GNPTAB: variants seen among roughly 807,000 people sequenced by gnomAD.
GNPTAB encodes N-acetylglucosamine-1-phosphate transferase subunits alpha and beta, also known as N-acetylglucosamine-1-phosphotransferase subunits alpha/beta.
A neutral mutation model predicts 136.6 loss-of-function variants in GNPTAB; 92 were observed. The ratio of observed to expected loss-of-function variants is 0.67; its 90% CI spans 0.57 to 0.80. The LOEUF (loss-of-function observed/expected upper bound fraction) is 0.80, where lower values mean the gene tolerates loss of function less well. GNPTAB is among the 30% of genes least tolerant of loss of function. GNPTAB has a pLI of 0.00. For missense variants in GNPTAB, 1,343 were observed against 1,501.8 expected, an observed-to-expected ratio of 0.89 and a Z score of 1.75; for synonymous variants, 512 against 535.1, an observed-to-expected ratio of 0.96 and a Z score of 0.60.
chr12:101,772,136 A>T (rs1953186217), intron 7 of GNPTAB, among the ~76,000 whole-genome samples: 1 of 152,184 alleles, frequency 6.6e-6, no homozygotes, highest in Non-Finnish European at 1.5e-5. Context: ...GAAAGTCCAC[A>T]CCACTCTTTA....
Position 101,757,665 on chromosome 12 carries a change from A to G in GNPTAB, c.3250-8T>C, listed in dbSNP as rs1952924076. 6 of 1,372,882 alleles carry G rather than the reference A, an allele frequency of 4.4e-6. No individual in the cohort carries two copies. Among genetic ancestry groups the G allele is most frequent in the Non-Finnish European group, 6.2e-6 (6 of 961,362 alleles). The allele number at this position is 1,372,882 out of a possible 1,614,324, so 85.0% of individuals were successfully genotyped here. A position where few individuals can be genotyped will look rare whatever the true frequency, so the allele number is the denominator to read the frequency against. Reference sequence around the variant, plus strand: ...ACTTTTAGTGACCGGTGGCTATGAGAAAATATAAGTAGATCAGATATCACA... The same window carrying G: ...ACTTTTAGTGACCGGTGGCTATGAGGAAATATAAGTAGATCAGATATCACA... On this transcript the variant is annotated splice_region_variant and splice_polypyrimidine_tract_variant and intron_variant, in intron 16 of 20. Coordinates refer to ENST00000299314, the MANE Select transcript of GNPTAB (RefSeq NM_024312.5).
In GNPTAB at chr12:101,746,744, G is replaced by GAA. The variant is rs768136710; in HGVS notation, c.*418_*419dup. 4.5e-5 allele frequency: 7 copies of GAA among 155,660 alleles called. No individual in the cohort carries two copies. The highest frequency in any genetic ancestry group is 1.8e-4 in the East Asian group (1 of 5,562). The allele number at this position is 155,660 out of a possible 1,614,324, so 9.6% of individuals were successfully genotyped here. ...TAGTAACTACTTAAAAATGGGAAAT[G>GAA]AAAAAAAAAAAGTGCAAAACTTTAG... On this transcript the variant is annotated 3_prime_UTR_variant, in exon 21 of 21. Transcript: ENST00000299314.
chr12:101,783,776 G>A (rs1374424827), intron 5 of GNPTAB, among the ~76,000 whole-genome samples: 2 of 151,420 alleles, frequency 1.3e-5, no homozygotes, highest in East Asian at 1.9e-4. Flanking sequence ...GATCAGTGGT[G>A]CAATCTCAGC....
intron 2 of GNPTAB, among the ~76,000 whole-genome samples, chr12:101,793,881 C>T (rs768638873): frequency 2.0e-5 from 3 of 152,106 alleles, no homozygotes; most frequent in Admixed American, 1.3e-4. Context: ...CTTGCTCTGT[C>T]GCCCAGGCTG....
At chr12:101,799,798 G>A (rs1869506732) in intron 1 of GNPTAB, among the ~76,000 whole-genome samples, 3 of 146,120 alleles carry the variant, frequency 2.1e-5, no homozygotes, top group Admixed American at 2.0e-4. Flanking sequence ...GTTCAACACT[G>A]AAGGCACTGA....
chr12:101,808,022 A>G (rs558768900), intron 1 of GNPTAB, among the ~76,000 whole-genome samples: 1 of 152,310 alleles, frequency 6.6e-6, no homozygotes, highest in East Asian at 1.9e-4. Flanking sequence ...CTAAAAAAGA[A>G]AAATAAGAAA....
chr12:101,780,360 G>T, intron 6 of GNPTAB, 74 bp from the exon 7 acceptor site: 1 of 1,487,718 alleles, frequency 6.7e-7, no homozygotes, highest in Non-Finnish European at 9.4e-7. Flanking sequence ...GAGAAAACTG[G>T]TAAAGATCTA....
intron 6 of GNPTAB, 81 bp from the exon 7 acceptor site, chr12:101,780,367 T>C: frequency 1.4e-6 from 2 of 1,414,362 alleles, no homozygotes; most frequent in Non-Finnish European, 2.0e-6. Flanking sequence ...CTGGTAAAGA[T>C]CTATTGCATC....
Position 101,787,042 on chromosome 12 carries a change from A to G in GNPTAB, c.366-825T>C, listed in dbSNP as rs73163786. On this transcript the variant is annotated intron_variant, in intron 4 of 20. Transcript: ENST00000299314. ...TAATATATACATGTATGCTTGTCTA[A>G]TACACATATGTATACATATATACTT... Among the ~76,000 whole-genome samples the G allele has an allele frequency of 2.3e-3, 348 of 152,348 alleles. 2 individuals carry two copies. The highest frequency in any genetic ancestry group is 3.7e-3 in the Non-Finnish European group (253 of 68,024).
chr12:101,800,481 A>G (rs1468277728), intron 1 of GNPTAB, among the ~76,000 whole-genome samples: 2 of 151,764 alleles, frequency 1.3e-5, no homozygotes, highest in African/African-American at 4.8e-5. Flanking sequence ...AATTAGGGCT[A>G]GGTGCAATGG....
intron 1 of GNPTAB, among the ~76,000 whole-genome samples, chr12:101,798,772 G>A (rs1334181156): frequency 6.6e-6 from 1 of 152,178 alleles, no homozygotes. Flanking sequence ...CACGTGAGCA[G>A]TTTGTCTCTC....
intron 7 of GNPTAB, among the ~76,000 whole-genome samples, chr12:101,772,477 CATTA>C (rs1363011750): frequency 2.0e-5 from 3 of 152,168 alleles, no homozygotes; most frequent in Non-Finnish European, 4.4e-5. Flanking sequence ...TGATGTAGGC[CATTA>C]ACTCTTCTCA....
chr12:101,807,855 C>T (rs1385758612), intron 1 of GNPTAB, among the ~76,000 whole-genome samples: 1 of 152,166 alleles, frequency 6.6e-6, no homozygotes, highest in South Asian at 2.1e-4. Context: ...CCACTGTACT[C>T]CAGCCTGTGC....
At position 101,780,197 on chromosome 12, in the gene GNPTAB, T is replaced by C. The variant is rs2137136961; in HGVS notation, c.726A>G (p.Gln242=). Residue 242 remains glutamine (Q), a synonymous_variant, in exon 7 of 21, where the codon CAA becomes CAG. Transcript: ENST00000299314. The part of the protein sequence containing the change: ...GFPPTFKETN[Q]LKTKLPENLS... The stretch of plus-strand genomic sequence containing the variant: ...GATTTTCTGGCAATTTTGTTTTTAG[T>C]TGATTTGTTTCCTTGAATGTTGGTG... 2 of 1,613,884 alleles carry C rather than the reference T, an allele frequency of 1.2e-6. No homozygotes were observed. The highest frequency in any genetic ancestry group is 1.7e-6 in the Non-Finnish European group (2 of 1,179,726).
At chr12:101,801,140 G>A (rs969913447) in intron 1 of GNPTAB, among the ~76,000 whole-genome samples, 1 of 142,806 alleles carries the variant, frequency 7.0e-6, no homozygotes, top group Admixed American at 7.3e-5. Context: ...GCTGAGTCTG[G>A]AGTATTGTTT....
At chr12:101,796,427 T>A (rs1284091674) in intron 2 of GNPTAB, 2 of 639,564 alleles carry the variant, frequency 3.1e-6, no homozygotes, top group Non-Finnish European at 5.6e-6. Flanking sequence ...TCTTACGGAA[T>A]ACTTCATGAA....
chr12:101,760,215 T>C (rs1174331932), intron 15 of GNPTAB, 72 bp from the exon 16 acceptor site: 1 of 966,936 alleles, frequency 1.0e-6, no homozygotes, highest in African/African-American at 1.6e-5. Flanking sequence ...AAATAAAAAT[T>C]AAGTGAAAGC....
intron 1 of GNPTAB, among the ~76,000 whole-genome samples, chr12:101,812,057 G>A (rs199594593): frequency 6.7e-6 from 1 of 149,972 alleles, no homozygotes; most frequent in East Asian, 2.1e-4. Flanking sequence ...TTCGAGACCA[G>A]CCTGGCCAAC....
chr12:101,816,469 A>G (rs1870513110), intron 1 of GNPTAB, among the ~76,000 whole-genome samples: 1 of 152,226 alleles, frequency 6.6e-6, no homozygotes, highest in African/African-American at 2.4e-5. Context: ...ACAAGTTATC[A>G]GGGAAATGTA....
Sources: gnomAD v4.1 joint callset for allele counts (sites outside exome capture counted in the v4.1 genomes callset) on GRCh38, gnomAD v4.1.1 for gene constraint, MANE v1.5 for transcripts, NCBI Gene and HGNC (gene_info 2026-07-23, HGNC 2026-07-21) for gene names.